The following NAV3 variants were observed in gnomAD, a reference collection of about 807,000 sequenced individuals.
The protein encoded by NAV3 is neuron navigator 3.
A neutral mutation model predicts 244.7 loss-of-function variants in NAV3; 87 were observed. The ratio of observed to expected loss-of-function variants is 0.36; its 90% confidence interval spans 0.30 to 0.42. NAV3 has a LOEUF of 0.42. NAV3 is among the 20% of genes least tolerant of loss of function. The probability of loss-of-function intolerance (pLI) is 1.00; values close to 1 mark genes in which losing one functional copy is unlikely to be tolerated. For synonymous variants in NAV3, 1,126 were observed against 1,042.2 expected (o/e 1.08, Z -1.55); for missense variants, 2,663 against 2,893.3 (o/e 0.92, Z 1.83).
intron 2 of NAV3, among the ~76,000 whole-genome samples, chr12:77,722,680 G>C (rs1468290971): frequency 2.0e-5 from 3 of 152,012 alleles, no homozygotes; most frequent in Non-Finnish European, 4.4e-5. Flanking sequence ...GAGTGTCCAG[G>C]CTGTTTCCAT....
rs565288121 is a variant in NAV3 at position 78,021,963 on chromosome 12, C to T, written c.2023+101C>T. The T allele has an allele frequency of 2.4e-4, 140 of 591,950 alleles. 1 individual carries two copies. Among genetic ancestry groups the T allele is most frequent in the Non-Finnish European group, 3.7e-4 (129 of 348,424 alleles). The allele number at this position is 591,950 out of a possible 1,614,324, so 36.7% of individuals were successfully genotyped here. A position where few individuals can be genotyped will look rare whatever the true frequency, so the allele number is the denominator to read the frequency against. ...TATATGTGGTATACTGTTTTTAGTG[C>T]AAAAATGGACTATATACATCTCATG... On this transcript the variant is annotated intron_variant, in intron 9 of 39. Transcript: ENST00000397909.
chr12:78,150,488 AT>A (rs1957031061), intron 22 of NAV3, among the ~76,000 whole-genome samples: 1 of 129,764 alleles, frequency 7.7e-6, no homozygotes, highest in Non-Finnish European at 1.7e-5. Context: ...GGTATTTCAC[AT>A]TTTTTTGTTT....
At chr12:77,575,530 G>T (rs1437925810) in intron 2 of NAV3, among the ~76,000 whole-genome samples, 2 of 152,012 alleles carry the variant, frequency 1.3e-5, no homozygotes, top group African/African-American at 2.4e-5. Context: ...ATGACTTTTT[G>T]ACCTTTGTTT....
intron 7 of NAV3, among the ~76,000 whole-genome samples, chr12:78,004,130 G>C (rs181563645): frequency 1.3e-5 from 2 of 152,110 alleles, no homozygotes; most frequent in Non-Finnish European, 2.9e-5. Flanking sequence ...TCTAAGTTTT[G>C]CCATATGTAT....
intron 12 of NAV3, among the ~76,000 whole-genome samples, chr12:78,060,136 T>C (rs534272846): frequency 1.2e-4 from 18 of 152,278 alleles, no homozygotes; most frequent in Non-Finnish European, 2.2e-4. Flanking sequence ...ATTTTGACTT[T>C]GTTGAGCAGG....
At chr12:77,750,474 G>A (rs1868791892) in intron 2 of NAV3, among the ~76,000 whole-genome samples, 1 of 151,932 alleles carries the variant, frequency 6.6e-6, no homozygotes, top group Admixed American at 6.6e-5. Flanking sequence ...TGAGTCTGCA[G>A]TGCGCTCTAA....
intron 2 of NAV3, among the ~76,000 whole-genome samples, chr12:77,664,974 A>C (rs1423374021): frequency 6.6e-6 from 1 of 152,132 alleles, no homozygotes; most frequent in African/African-American, 2.4e-5. Context: ...TGCAGTGGCT[A>C]TTCCTGCCTC....
chr12:78,181,307 T>A (rs1218414364), intron 30 of NAV3, among the ~76,000 whole-genome samples: 1 of 152,086 alleles, frequency 6.6e-6, no homozygotes, highest in Non-Finnish European at 1.5e-5. Context: ...TTCTCCATGA[T>A]TCTGATGATG....
intron 22 of NAV3, among the ~76,000 whole-genome samples, chr12:78,158,578 T>C (rs1311448530): frequency 6.6e-6 from 1 of 152,178 alleles, no homozygotes; most frequent in Non-Finnish European, 1.5e-5. Flanking sequence ...TCTAACTGGC[T>C]TACCTGTATT....
intron 2 of NAV3, among the ~76,000 whole-genome samples, chr12:77,807,960 T>C (rs528410155): frequency 1.3e-5 from 2 of 152,290 alleles, no homozygotes; most frequent in Admixed American, 6.5e-5. Flanking sequence ...TTCCGCTTGA[T>C]GGATTCAGCT....
At chr12:77,947,665 A>G (rs920816269) in intron 3 of NAV3, 1 of 152,028 alleles carries the variant, frequency 6.6e-6, no homozygotes, top group Non-Finnish European at 1.5e-5. Context: ...TATTACAAGT[A>G]GAGTTCTGAT....
At chr12:78,040,977 G>A (rs1382590292) in intron 9 of NAV3, among the ~76,000 whole-genome samples, 1 of 151,944 alleles carries the variant, frequency 6.6e-6, no homozygotes, top group Admixed American at 6.6e-5. Flanking sequence ...TTTCTTCATA[G>A]TTCTCTCAGA....
chr12:77,635,787 G>T (rs138794594), intron 2 of NAV3, among the ~76,000 whole-genome samples: 21 of 151,960 alleles, frequency 1.4e-4, no homozygotes, highest in African/African-American at 4.8e-4. Flanking sequence ...AAAAAAAACC[G>T]CTGTGAGGTA....
chr12:78,171,500 A>G lies in NAV3; in HGVS notation c.4981+2634A>G, dbSNP rs1017485106. ...ACAGTTAATATCTAAATTGATCAAG[A>G]AATATGAAAAAATAATTTGCTAGGT... On this transcript the variant is annotated intron_variant, in intron 24 of 39. Coordinates refer to ENST00000397909, the MANE Select transcript of NAV3 (RefSeq NM_001024383.2). Among the ~76,000 whole-genome samples, 5 of 151,670 alleles carry G rather than the reference A, an allele frequency of 3.3e-5. No homozygotes were observed. In the East Asian group the frequency reaches 9.7e-4, roughly 29 times the overall value.
At chr12:77,776,661 A>G (rs573800546) in intron 2 of NAV3, among the ~76,000 whole-genome samples, 101 of 152,288 alleles carry the variant, frequency 6.6e-4, no homozygotes, top group African/African-American at 2.4e-3. Flanking sequence ...CCACTGACAA[A>G]CATGGTTTCT....
chr12:77,927,900 G>A (rs1888372700), intron 1 of NAV3, among the ~76,000 whole-genome samples: 1 of 152,038 alleles, frequency 6.6e-6, no homozygotes, highest in South Asian at 2.1e-4. Flanking sequence ...AGGTTGCCCA[G>A]TATGACTGCA....
intron 2 of NAV3, among the ~76,000 whole-genome samples, chr12:77,637,642 A>G (rs1451637079): frequency 1.3e-5 from 2 of 152,188 alleles, no homozygotes; most frequent in East Asian, 3.8e-4. Context: ...ATTAGCTCCT[A>G]TTTAAATAGC....
At chr12:77,773,419 G>T (rs919048523) in intron 2 of NAV3, among the ~76,000 whole-genome samples, 4 of 152,086 alleles carry the variant, frequency 2.6e-5, no homozygotes, top group Admixed American at 2.6e-4. Flanking sequence ...ACATTTTAAG[G>T]AAAATCAACT....
At chr12:78,106,733 C>T (rs1314147336) in intron 12 of NAV3, among the ~76,000 whole-genome samples, 3 of 152,144 alleles carry the variant, frequency 2.0e-5, no homozygotes, top group Non-Finnish European at 1.5e-5. Context: ...TACCAGCATC[C>T]AGGCAAGCCA....
Sources: gnomAD v4.1 joint callset for allele counts (sites outside exome capture counted in the v4.1 genomes callset) on GRCh38, gnomAD v4.1.1 for gene constraint, MANE v1.5 for transcripts, NCBI Gene and HGNC (gene_info 2026-07-23, HGNC 2026-07-21) for gene names.